IGF2BP2: variants seen among roughly 807,000 people sequenced by gnomAD.
IGF2BP2 encodes the protein insulin-like growth factor 2 mRNA-binding protein 2.
IGF2BP2 carries 17 observed loss-of-function variants against 75.8 expected under a neutral mutation model. That is an observed-to-expected ratio of 0.22 (90% CI 0.15 to 0.34). The LOEUF (loss-of-function observed/expected upper bound fraction) is 0.34. Among genes scored for constraint, IGF2BP2 ranks in the 10% least tolerant of loss-of-function variants. The pLI, the probability that IGF2BP2 is intolerant of heterozygous loss-of-function variation, is 1.00. For synonymous variants in IGF2BP2, 288 were observed against 295.6 expected (o/e 0.97, Z 0.26); for missense variants, 516 against 772.4 (o/e 0.67, Z 3.93).
At position 185,652,127 on chromosome 3, in the gene IGF2BP2, G is replaced by A; in HGVS notation, c.1428C>T (p.Val476=). ...GGGCTTCCGGTGGCCCGGTGATGAT[G>A]ACCATCCTTTCGCTGACGTCTGGGC... ...AEGPDVSERM[V]IITGPPEAQF... The change falls in exon 13 of 16, where the codon GTC becomes GTT. Residue 476 remains valine, a synonymous_variant. Transcript: ENST00000382199. 6.2e-7 allele frequency: 1 copy of A among 1,613,124 alleles called. No homozygotes were observed. The highest frequency in any genetic ancestry group is 8.5e-7 in the Non-Finnish European group (1 of 1,179,356).
intron 2 of IGF2BP2, among the ~76,000 whole-genome samples, chr3:185,730,782 C>G (rs1728056990): frequency 6.6e-6 from 1 of 152,042 alleles, no homozygotes; most frequent in African/African-American, 2.4e-5. Flanking sequence ...ATTTTTAGTT[C>G]TTCAAGAAAT....
chr3:185,775,376 T>A (rs1734416762), intron 2 of IGF2BP2, among the ~76,000 whole-genome samples: 1 of 152,148 alleles, frequency 6.6e-6, no homozygotes, highest in Admixed American at 6.5e-5. Context: ...GTGGCTAAAC[T>A]CTGGAGACAG....
rs1475137436 is a variant in IGF2BP2 at position 185,675,224 on chromosome 3, T to TC, written c.1071+71dup. 25 of 1,507,794 alleles carry TC rather than the reference T, an allele frequency of 1.7e-5. 1 individual carries two copies. The South Asian group carries it at 2.3e-4, about 14-fold the overall frequency. 93.4% of individuals were successfully genotyped at this position (1,507,794 alleles called of 1,614,324 possible). On this transcript the variant is annotated intron_variant, in intron 9 of 15. Transcript: ENST00000382199. ...CTCTGCATACCTATCCTAAGGCACTTCCTCATTAGCTGAATGGCAAGTATT... is the reference window on the plus strand; with the variant it reads ...CTCTGCATACCTATCCTAAGGCACTTCCCTCATTAGCTGAATGGCAAGTATT...
chr3:185,771,523 C>G (rs7631169), intron 2 of IGF2BP2, among the ~76,000 whole-genome samples: 5,311 of 151,428 alleles, frequency 0.035, 145 homozygotes, highest in African/African-American at 0.062. Flanking sequence ...TCTGCTAAAA[C>G]ATGTAGGTAA....
At chr3:185,719,246 T>A (rs1237317037) in intron 2 of IGF2BP2, among the ~76,000 whole-genome samples, 1 of 152,148 alleles carries the variant, frequency 6.6e-6, no homozygotes, top group Non-Finnish European at 1.5e-5. Context: ...GTGATTCCAG[T>A]TATTTGTGAG....
chr3:185,769,830 CAAAAAAAAAA>C (rs35418660), intron 2 of IGF2BP2, among the ~76,000 whole-genome samples: 6 of 77,172 alleles, frequency 7.8e-5, no homozygotes, highest in African/African-American at 1.9e-4. Context: ...ACCCTGTCTC[CAAAAAAAAAA>C]AAAAAAAAAA....
chr3:185,777,943 C>G (rs1164898610), intron 2 of IGF2BP2, among the ~76,000 whole-genome samples: 1 of 151,778 alleles, frequency 6.6e-6, no homozygotes, highest in Non-Finnish European at 1.5e-5. Context: ...ACTTGGGAGG[C>G]TGAGGCAGGA....
chr3:185,734,581 T>C (rs1237943694), intron 2 of IGF2BP2, among the ~76,000 whole-genome samples: 2 of 152,252 alleles, frequency 1.3e-5, no homozygotes, highest in African/African-American at 4.8e-5. Flanking sequence ...AAGTGTGTGT[T>C]AGCACCTGGC....
rs186854472 is a variant in IGF2BP2, at chr3:185,812,284, C to T, written c.239+10869G>A. Among the ~76,000 whole-genome samples, 47 of 152,278 alleles carry T rather than the reference C, an allele frequency of 3.1e-4. No homozygotes were observed. In the South Asian group the frequency reaches 5.4e-3, roughly 17 times the overall value. ...TTGTTTTCGATGAATGAATGGGTCCCGTGTCACCATGCCCATCACTCTTCA... is the reference window on the plus strand; with the variant it reads ...TTGTTTTCGATGAATGAATGGGTCCTGTGTCACCATGCCCATCACTCTTCA... On this transcript the variant is annotated intron_variant, in intron 2 of 15. Coordinates refer to ENST00000382199, the MANE Select transcript of IGF2BP2 (RefSeq NM_006548.6).
At chr3:185,661,457 C>T (rs772836989) in intron 10 of IGF2BP2, among the ~76,000 whole-genome samples, 21 of 151,748 alleles carry the variant, frequency 1.4e-4, no homozygotes, top group African/African-American at 3.9e-4. Flanking sequence ...TCCAACATGG[C>T]GAAACCCCAT....
chr3:185,821,096 C>T (rs1474871023), intron 2 of IGF2BP2: 6 of 1,532,970 alleles, frequency 3.9e-6, no homozygotes, highest in Non-Finnish European at 5.2e-6. Flanking sequence ...GATCTCAGTA[C>T]ACAATACCGG....
At chr3:185,801,209 G>A (rs572352730) in intron 2 of IGF2BP2, among the ~76,000 whole-genome samples, 12 of 152,252 alleles carry the variant, frequency 7.9e-5, no homozygotes, top group Non-Finnish European at 1.2e-4. Context: ...TCAGGAAACA[G>A]CTGGGCACGG....
At chr3:185,778,782 T>C (rs941108701) in intron 2 of IGF2BP2, among the ~76,000 whole-genome samples, 11 of 152,238 alleles carry the variant, frequency 7.2e-5, no homozygotes, top group Admixed American at 2.0e-4. Flanking sequence ...ATACATGCTA[T>C]TTGTGCTACA....
chr3:185,717,525 A>C (rs1725827520), intron 2 of IGF2BP2: 1 of 152,236 alleles, frequency 6.6e-6, no homozygotes, highest in Non-Finnish European at 1.5e-5. Flanking sequence ...TCAGAGATAG[A>C]GCGACTGTAA....
At chr3:185,815,675 T>C (rs891346928) in intron 2 of IGF2BP2, among the ~76,000 whole-genome samples, 5 of 152,158 alleles carry the variant, frequency 3.3e-5, no homozygotes, top group African/African-American at 9.7e-5. Context: ...TATCCCACTC[T>C]GGACTGTACT....
chr3:185,667,770 G>A (rs80257939), intron 10 of IGF2BP2, among the ~76,000 whole-genome samples: 80 of 152,230 alleles, frequency 5.3e-4, no homozygotes, highest in African/African-American at 1.5e-3. Context: ...ATTTTATTGC[G>A]TTTGGCTTTA....
intron 2 of IGF2BP2, among the ~76,000 whole-genome samples, chr3:185,706,011 G>A (rs1389988144): frequency 1.3e-5 from 2 of 152,182 alleles, no homozygotes; most frequent in Non-Finnish European, 2.9e-5. Context: ...CTCACAAAAA[G>A]ACCTAACACA....
chr3:185,677,042 G>GAGAT (rs1553855655), intron 7 of IGF2BP2, among the ~76,000 whole-genome samples: 527 of 21,450 alleles, frequency 0.025, 1 homozygote, highest in Non-Finnish European at 0.034. Flanking sequence ...TATATATATG[G>GAGAT]AGATATATAT....
At chr3:185,670,457 C>A (rs1718339888) in intron 10 of IGF2BP2, among the ~76,000 whole-genome samples, 1 of 152,200 alleles carries the variant, frequency 6.6e-6, no homozygotes, top group African/African-American at 2.4e-5. Flanking sequence ...TGTATATAAA[C>A]AGCCATGGCT....
Sources: gnomAD v4.1 joint callset for allele counts (sites outside exome capture counted in the v4.1 genomes callset) on GRCh38, gnomAD v4.1.1 for gene constraint, MANE v1.5 for transcripts, NCBI Gene and HGNC (gene_info 2026-07-23, HGNC 2026-07-21) for gene names.